The following LRATD1 variants were observed in gnomAD, a reference collection of about 807,000 sequenced individuals.
The protein encoded by LRATD1 is LRAT domain containing 1.
Under a neutral mutation model 21.3 loss-of-function variants are expected in LRATD1, and 8 were observed. The ratio of observed to expected loss-of-function variants is 0.38; its 90% CI spans 0.22 to 0.68. The LOEUF (loss-of-function observed/expected upper bound fraction) is 0.68. Ranked by LOEUF, LRATD1 falls within the 30% of genes least tolerant of loss-of-function variation. The probability of loss-of-function intolerance (pLI) is 0.54; values close to 1 mark genes in which losing one functional copy is unlikely to be tolerated. For synonymous variants in LRATD1, 210 were observed against 186.2 expected (o/e 1.13, Z -1.04); for missense variants, 380 against 404.0 (o/e 0.94, Z 0.51).
At chr2:14,642,368 T>C (rs193108917), downstream of LRATD1, among the ~76,000 whole-genome samples, 21 of 152,314 alleles carry the variant, frequency 1.4e-4, no homozygotes, top group South Asian at 6.2e-4. Context: ...TATGGAAATA[T>C]AGATTTTTCT....
downstream of LRATD1, among the ~76,000 whole-genome samples, chr2:14,642,737 A>G (rs1671828068): frequency 6.6e-6 from 1 of 152,040 alleles, no homozygotes; most frequent in South Asian, 2.1e-4. Context: ...TGACGGTTGG[A>G]CCTCCAGGCT....
chr2:14,641,298 T>G (rs540111539), downstream of LRATD1, among the ~76,000 whole-genome samples: 7 of 152,164 alleles, frequency 4.6e-5, no homozygotes, highest in East Asian at 9.7e-4. Context: ...CTCAGAAGAG[T>G]TCACAGCCCC....
In LRATD1 at chr2:14,637,906, G is replaced by A. The variant is rs1415874777; in HGVS notation, c.*3048G>A. The A allele has an allele frequency of 6.0e-6, 1 of 166,924 alleles. No homozygotes were observed. Among genetic ancestry groups the A allele is most frequent in the Non-Finnish European group, 1.5e-5 (1 of 68,072 alleles). The allele number at this position is 166,924 out of a possible 1,614,324, so 10.3% of individuals were successfully genotyped here. The stretch of plus-strand genomic sequence containing the variant: ...TGTTAGGGATTTCGTTTTGGTTTTA[G>A]TTGTCCTCAAGAGACAACAGGTTCA... On this transcript the variant is annotated 3_prime_UTR_variant, in exon 2 of 2. Coordinates refer to ENST00000295092, the MANE Select transcript of LRATD1 (RefSeq NM_145175.4).
chr2:14,644,163 A>G (rs1671857135), downstream of LRATD1, among the ~76,000 whole-genome samples: 1 of 152,122 alleles, frequency 6.6e-6, no homozygotes, highest in Non-Finnish European at 1.5e-5. Flanking sequence ...GAGACAGGAC[A>G]AAGGAGACAG....
rs750138240 is a variant in LRATD1, at chr2:14,634,339, C to A, written c.360C>A (p.Cys120Ter). ...VYAVTALPAL[C>*]EPGDLLELLW... ...CGGTCACCGCGCTGCCAGCGCTCTG[C>A]GAACCCGGCGACCTGCTGGAGCTGC... Residue 120 changes from cysteine (C) to a stop codon, truncating the protein, a stop_gained, in exon 2 of 2, where the codon TGC (cysteine) becomes TGA (stop). Coordinates refer to ENST00000295092, the MANE Select transcript of LRATD1 (RefSeq NM_145175.4). LOFTEE classifies it high-confidence loss of function. 2 of 1,585,712 alleles carry A rather than the reference C, an allele frequency of 1.3e-6. No individual in the cohort carries two copies. The highest frequency in any genetic ancestry group is 1.7e-6 in the Non-Finnish European group (2 of 1,169,504).
chr2:14,634,639 CT>C lies in LRATD1; in HGVS notation c.663del (p.Phe221LeufsTer191). On this transcript the variant is annotated frameshift_variant, in exon 2 of 2. Coordinates refer to ENST00000295092, the MANE Select transcript of LRATD1 (RefSeq NM_145175.4). LOFTEE classifies it high-confidence loss of function. Reference protein sequence around the residue: ...NSESFAAWCRFGKREFKAGGE... With the variant: ...NSESFAAWCRXGKREFKAGGE... ...CGGAGAGCTTCGCCGCCTGGTGCCGCTTTGGCAAGCGGGAGTTCAAGGCGGG... is the reference window on the plus strand; with the variant it reads ...CGGAGAGCTTCGCCGCCTGGTGCCGCTTGGCAAGCGGGAGTTCAAGGCGGG... 1.3e-6 allele frequency: 2 copies of C among 1,547,526 alleles called. No individual in the cohort carries two copies. The highest frequency in any genetic ancestry group is 8.7e-7 in the Non-Finnish European group (1 of 1,144,264).
At chr2:14,644,297 A>C (rs556538764), downstream of LRATD1, among the ~76,000 whole-genome samples, 1 of 152,306 alleles carries the variant, frequency 6.6e-6, no homozygotes, top group East Asian at 1.9e-4. Context: ...AGCTTCAAAA[A>C]ACAGTCATTG....
intron 4 of LRATD1, among the ~76,000 whole-genome samples, chr2:14,648,579 T>C (rs1193636536): frequency 1.3e-5 from 2 of 152,180 alleles, no homozygotes; most frequent in Non-Finnish European, 2.9e-5. Flanking sequence ...ACTGTTCTCA[T>C]ATAACACATC....
rs889016111 is a variant in LRATD1, at chr2:14,633,197, G to A, written c.-37+260G>A. ...CCCTGATGGGGACAAGGCAAGAGAAGTAAGGGGCAGAGTGCACCTGCCTGT... is the reference window on the plus strand; with the variant it reads ...CCCTGATGGGGACAAGGCAAGAGAAATAAGGGGCAGAGTGCACCTGCCTGT... On this transcript the variant is annotated intron_variant, in intron 1 of 1. Transcript: ENST00000295092. The surrounding 1 kb of genome is among the most constrained non-coding windows in gnomAD (Gnocchi z 7.5). 6.6e-6 allele frequency among the ~76,000 whole-genome samples: 1 copy of A among 152,230 alleles called. No homozygotes were observed. The highest frequency in any genetic ancestry group is 2.4e-5 in the African/African-American group (1 of 41,478).
At position 14,633,871 on chromosome 2, in the gene LRATD1, A is replaced by G; in HGVS notation, c.-36-73A>G. 2 of 1,408,428 alleles carry G rather than the reference A, an allele frequency of 1.4e-6. No homozygotes were observed. The highest frequency in any genetic ancestry group is 1.9e-6 in the Non-Finnish European group (2 of 1,043,462). The allele number at this position is 1,408,428 out of a possible 1,614,324, so 87.2% of individuals were successfully genotyped here. ...AGCCGGCAGGTCCCAGGGGCACTGC[A>G]CGTCTTGGGGAGGGACACCGAAAGG... On this transcript the variant is annotated intron_variant, in intron 1 of 1. Coordinates refer to ENST00000295092, the MANE Select transcript of LRATD1 (RefSeq NM_145175.4). The surrounding 1 kb of genome is among the most constrained non-coding windows in gnomAD (Gnocchi z 7.5).
rs1360228071 is a variant in LRATD1 at position 14,638,212 on chromosome 2, C to CAAA, written c.*3354_*3355insAAA. ...AATGCTGTTATTCTCAAAGTACATT[C>CAAA]CAAAAAAAAAAAAAAAAAAAAACTA... On this transcript the variant is annotated 3_prime_UTR_variant, in exon 2 of 2. Transcript: ENST00000295092. 1 of 81,636 alleles carries CAAA rather than the reference C, an allele frequency of 1.2e-5. No individual in the cohort carries two copies. Among genetic ancestry groups the CAAA allele is most frequent in the African/African-American group, 1.2e-4 (1 of 8,666 alleles). 5.1% of individuals were successfully genotyped at this position (81,636 alleles called of 1,614,324 possible). A position where few individuals can be genotyped will look rare whatever the true frequency, so the allele number is the denominator to read the frequency against.
chr2:14,647,877 A>C (rs1671922575), intron 4 of LRATD1, among the ~76,000 whole-genome samples: 1 of 152,204 alleles, frequency 6.6e-6, no homozygotes, highest in African/African-American at 2.4e-5. Flanking sequence ...TCTAAGCTGC[A>C]CTGAAAGTCT....
Position 14,634,952 on chromosome 2 carries a change from TGCCCC to T in LRATD1, c.*103_*107del, listed in dbSNP as rs1393736936. ...TTCGCAGTCAGCGGTTCTCAACCTC[TGCCCC>T]GCCCCGCCACGCGCGTCCGCCGCCG... On this transcript the variant is annotated 3_prime_UTR_variant, in exon 2 of 2. Coordinates refer to ENST00000295092, the MANE Select transcript of LRATD1 (RefSeq NM_145175.4). The T allele has an allele frequency of 1.4e-6, 2 of 1,428,386 alleles. No homozygotes were observed. The highest frequency in any genetic ancestry group is 1.9e-6 in the Non-Finnish European group (2 of 1,065,994). The allele number at this position is 1,428,386 out of a possible 1,614,324, so 88.5% of individuals were successfully genotyped here.
In LRATD1 at chr2:14,637,632, C is replaced by A. The variant is rs368080433; in HGVS notation, c.*2774C>A. 2 of 166,916 alleles carry A rather than the reference C, an allele frequency of 1.2e-5. No homozygotes were observed. The highest frequency in any genetic ancestry group is 3.9e-4 in the East Asian group (2 of 5,192). The allele number at this position is 166,916 out of a possible 1,614,324, so 10.3% of individuals were successfully genotyped here. On this transcript the variant is annotated 3_prime_UTR_variant, in exon 2 of 2. Coordinates refer to ENST00000295092, the MANE Select transcript of LRATD1 (RefSeq NM_145175.4). ...CTTTGTCAGTGTTAGTAAGGTAACC[C>A]ATGACAGAATAATTTGAGTGATAGT... is the stretch of plus-strand genomic sequence containing the variant.
rs1036285865 is a variant in LRATD1 at position 14,639,880 on chromosome 2, G to A, written c.*5022G>A. 7 of 167,160 alleles carry A rather than the reference G, an allele frequency of 4.2e-5. No homozygotes were observed. Among genetic ancestry groups the A allele is most frequent in the South Asian group, 2.1e-4 (1 of 4,838 alleles). The allele number at this position is 167,160 out of a possible 1,614,324, so 10.4% of individuals were successfully genotyped here. On this transcript the variant is annotated 3_prime_UTR_variant, in exon 2 of 2. Coordinates refer to ENST00000295092, the MANE Select transcript of LRATD1 (RefSeq NM_145175.4). ...TCACTTGCCTTGCCTGCAAAGGCGA[G>A]CCTAAAGAAATTTCTCTAACCAAAA...
Position 14,639,767 on chromosome 2 carries a change from A to G in LRATD1, c.*4909A>G, listed in dbSNP as rs1443411885. The G allele has an allele frequency of 6.0e-6, 1 of 167,150 alleles. No homozygotes were observed. The highest frequency in any genetic ancestry group is 1.5e-5 in the Non-Finnish European group (1 of 68,124). 10.4% of individuals were successfully genotyped at this position (167,150 alleles called of 1,614,324 possible). A position where few individuals can be genotyped will look rare whatever the true frequency, so the allele number is the denominator to read the frequency against. ...TGGCTGATAGTAGAAAGCACACAGT[A>G]GGTACTCCATAAATGTAAGACTATG... On this transcript the variant is annotated 3_prime_UTR_variant, in exon 2 of 2. Coordinates refer to ENST00000295092, the MANE Select transcript of LRATD1 (RefSeq NM_145175.4).
chr2:14,643,996 A>G (rs1438682614), downstream of LRATD1, among the ~76,000 whole-genome samples: 32 of 152,190 alleles, frequency 2.1e-4, no homozygotes, highest in Admixed American at 2.0e-3. Context: ...ATTTAATTCA[A>G]AAACAACTAT....
chr2:14,647,898 C>T (rs1344935669), intron 4 of LRATD1, among the ~76,000 whole-genome samples: 1 of 152,118 alleles, frequency 6.6e-6, no homozygotes, highest in Non-Finnish European at 1.5e-5. Context: ...AAAAATAGTA[C>T]CCACAGCTGT....
rs1228289118 is a variant in LRATD1 at position 14,634,152 on chromosome 2, C to T, written c.173C>T (p.Pro58Leu). 2 of 1,613,844 alleles carry T rather than the reference C, an allele frequency of 1.2e-6. No individual in the cohort carries two copies. The highest frequency in any genetic ancestry group is 1.7e-6 in the Non-Finnish European group (2 of 1,180,010). The part of the protein sequence containing the change: ...GQPDKFGVKA[P>L]PGCTPCPESP... ...CCCGACAAGTTTGGCGTGAAGGCCCCCCCGGGTTGCACCCCCTGCCCGGAG... is the reference window on the plus strand; with the variant it reads ...CCCGACAAGTTTGGCGTGAAGGCCCTCCCGGGTTGCACCCCCTGCCCGGAG... Residue 58 changes from proline (P) to leucine (L), a missense_variant, in exon 2 of 2, where the codon CCC (proline) becomes CTC (leucine). Pro to Leu is a moderately conservative substitution (Grantham distance 98). Transcript: ENST00000295092.
Sources: allele counts gnomAD v4.1 joint callset (sites outside exome capture counted in the v4.1 genomes callset), GRCh38; gene constraint gnomAD v4.1.1; non-coding constraint Gnocchi (gnomAD v3.1); transcripts MANE v1.5; gene names NCBI Gene and HGNC (gene_info 2026-07-23, HGNC 2026-07-21).